Variants in CRADD observed in about 807,000 individuals in gnomAD.
CRADD encodes death domain-containing protein CRADD.
CRADD carries 9 observed loss-of-function variants against 15.5 expected under a neutral mutation model. The ratio of observed to expected loss-of-function variants is 0.58; its 90% CI spans 0.35 to 1.01. The LOEUF (loss-of-function observed/expected upper bound fraction) is 1.01. CRADD is among the 50% of genes least tolerant of loss of function. CRADD has a pLI of 0.02. For synonymous variants in CRADD, 118 were observed against 107.6 expected (o/e 1.10, Z -0.60); for missense variants, 227 against 250.3 (o/e 0.91, Z 0.63).
intron 2 of CRADD, among the ~76,000 whole-genome samples, chr12:93,768,647 G>T (rs898349473): frequency 1.3e-5 from 2 of 152,072 alleles, no homozygotes; most frequent in Non-Finnish European, 2.9e-5. Flanking sequence ...AATATATCAT[G>T]AACATGTTTT....
chr12:93,881,776 G>A (rs1164337723), intron 2 of CRADD, among the ~76,000 whole-genome samples: 1 of 152,158 alleles, frequency 6.6e-6, no homozygotes, highest in Non-Finnish European at 1.5e-5. Flanking sequence ...GTCTCCCTTG[G>A]AGATTATCTC....
At chr12:93,771,365 A>G (rs547038858) in intron 2 of CRADD, among the ~76,000 whole-genome samples, 1 of 152,304 alleles carries the variant, frequency 6.6e-6, no homozygotes, top group African/African-American at 2.4e-5. Context: ...GAATTTTTTA[A>G]TTACTATTGA....
chr12:93,696,210 G>A (rs890125754), intron 2 of CRADD, among the ~76,000 whole-genome samples: 1 of 152,104 alleles, frequency 6.6e-6, no homozygotes, highest in Non-Finnish European at 1.5e-5. Context: ...ATAGAACTCT[G>A]TGTCTTAGCA....
chr12:93,824,559 A>G lies in CRADD; in HGVS notation c.299-25411A>G, dbSNP rs1460927202. On this transcript the variant is annotated intron_variant, in intron 2 of 2. Coordinates refer to ENST00000332896, the MANE Select transcript of CRADD (RefSeq NM_003805.5). This position sits in a 1 kb window ranked among gnomAD's most constrained non-coding sequence, Gnocchi z 4.3. ...AAGAAGTCAAAAAATTGCTTTGAAG[A>G]GTATATTTACTAGAGTTCAGTTTAC... Among the ~76,000 whole-genome samples, 1 of 152,180 alleles carries G rather than the reference A, an allele frequency of 6.6e-6. No individual in the cohort carries two copies. The highest frequency in any genetic ancestry group is 6.5e-5 in the Admixed American group (1 of 15,274).
At chr12:93,804,257 G>C (rs1213741713) in intron 2 of CRADD, among the ~76,000 whole-genome samples, 1 of 152,134 alleles carries the variant, frequency 6.6e-6, no homozygotes, top group Non-Finnish European at 1.5e-5. Flanking sequence ...ATTTTGGCAA[G>C]AGTGATGCCA....
At chr12:93,817,140 T>C (rs1226411423) in intron 2 of CRADD, among the ~76,000 whole-genome samples, 1 of 152,172 alleles carries the variant, frequency 6.6e-6, no homozygotes, top group Non-Finnish European at 1.5e-5. Flanking sequence ...ACCAGATGAT[T>C]GTTTAAGTCT....
chr12:93,745,935 A>G (rs1019009391), intron 2 of CRADD, among the ~76,000 whole-genome samples: 1 of 152,200 alleles, frequency 6.6e-6, no homozygotes, highest in Non-Finnish European at 1.5e-5. Flanking sequence ...ATATTGAGGA[A>G]ACTTACACAC....
At position 93,726,822 on chromosome 12, in the gene CRADD, C is replaced by CT. The variant is rs556450950; in HGVS notation, c.298+47751dup. Among the ~76,000 whole-genome samples the CT allele has an allele frequency of 3.4e-3, 516 of 152,178 alleles. 3 individuals are homozygous for CT. Among genetic ancestry groups the CT allele is most frequent in the African/African-American group, 0.012 (490 of 41,512 alleles). ...ATACAAGATGGTGTACTACAGCACT[C>CT]TAACAGAAGGGAATAGCACTGTTGT... On this transcript the variant is annotated intron_variant, in intron 2 of 2. Transcript: ENST00000332896.
Position 93,850,600 on chromosome 12 carries a change from T to C in CRADD, c.*329T>C. ...ATATATCCATATATATATATATCCA[T>C]ATATATATCTCATGTCATCACATTA... On this transcript the variant is annotated 3_prime_UTR_variant, in exon 3 of 3. Coordinates refer to ENST00000332896, the MANE Select transcript of CRADD (RefSeq NM_003805.5). The surrounding 1 kb of genome is among the most constrained non-coding windows in gnomAD (Gnocchi z 4.0). 5.5e-6 allele frequency: 5 copies of C among 903,736 alleles called. No homozygotes were observed. Among genetic ancestry groups the C allele is most frequent in the Non-Finnish European group, 6.6e-6 (5 of 751,996 alleles). 56.0% of individuals were successfully genotyped at this position (903,736 alleles called of 1,614,324 possible). A position where few individuals can be genotyped will look rare whatever the true frequency, so the allele number is the denominator to read the frequency against.
At chr12:93,792,709 G>A (rs189035429) in intron 2 of CRADD, among the ~76,000 whole-genome samples, 76 of 152,270 alleles carry the variant, frequency 5.0e-4, no homozygotes, top group South Asian at 1.7e-3. Flanking sequence ...TGAAGTAGAT[G>A]CTATTATAAT....
chr12:93,806,360 G>T (rs1239458959), intron 2 of CRADD, among the ~76,000 whole-genome samples: 1 of 149,108 alleles, frequency 6.7e-6, no homozygotes, highest in Non-Finnish European at 1.5e-5. Context: ...GCTGAGGCAG[G>T]AGAATCACTT....
chr12:93,857,672 G>T (rs1432802692), intron 2 of CRADD, among the ~76,000 whole-genome samples: 1 of 152,232 alleles, frequency 6.6e-6, no homozygotes, highest in African/African-American at 2.4e-5. Flanking sequence ...TGGGCATGTG[G>T]TGGAAGCCTT....
At chr12:93,757,117 T>C (rs1426089150) in intron 2 of CRADD, among the ~76,000 whole-genome samples, 1 of 152,242 alleles carries the variant, frequency 6.6e-6, no homozygotes, top group African/African-American at 2.4e-5. Flanking sequence ...AAAACATACG[T>C]ATATTTCCCC....
At chr12:93,766,976 C>T (rs1406971201) in intron 2 of CRADD, among the ~76,000 whole-genome samples, 1 of 152,170 alleles carries the variant, frequency 6.6e-6, no homozygotes, top group Non-Finnish European at 1.5e-5. Flanking sequence ...CTCGTGGTTT[C>T]AAGAAACAGA....
Position 93,850,734 on chromosome 12 carries a change from T to A in CRADD, c.*463T>A. On this transcript the variant is annotated 3_prime_UTR_variant, in exon 3 of 3. Transcript: ENST00000332896. The surrounding 1 kb of genome is among the most constrained non-coding windows in gnomAD (Gnocchi z 4.0). ...ATAATAAAATGCGAATTACTATATA[T>A]AATGTGCCTCACTCATGAGAAAGTA... 2.0e-6 allele frequency: 2 copies of A among 984,602 alleles called. No homozygotes were observed. The highest frequency in any genetic ancestry group is 2.4e-6 in the Non-Finnish European group (2 of 829,330). The allele number at this position is 984,602 out of a possible 1,614,324, so 61.0% of individuals were successfully genotyped here. A position where few individuals can be genotyped will look rare whatever the true frequency, so the allele number is the denominator to read the frequency against.
At chr12:93,720,128 T>C (rs1956232777) in intron 2 of CRADD, among the ~76,000 whole-genome samples, 1 of 152,154 alleles carries the variant, frequency 6.6e-6, no homozygotes, top group Admixed American at 6.5e-5. Flanking sequence ...ATAAGTTGTT[T>C]CCATTTTTAT....
intron 2 of CRADD, among the ~76,000 whole-genome samples, chr12:93,701,555 A>T (rs1299384748): frequency 6.6e-6 from 1 of 152,268 alleles, no homozygotes; most frequent in African/African-American, 2.4e-5. Context: ...GAAGACAAAA[A>T]GGAAGCTAAC....
chr12:93,805,369 A>G (rs1026213022), intron 2 of CRADD, among the ~76,000 whole-genome samples: 1 of 152,080 alleles, frequency 6.6e-6, no homozygotes, highest in South Asian at 2.1e-4. Context: ...GAAAGGGTAT[A>G]TACAGTCTAA....
At chr12:93,888,804 C>T (rs1958556423) in intron 2 of CRADD, among the ~76,000 whole-genome samples, 1 of 152,184 alleles carries the variant, frequency 6.6e-6, no homozygotes, top group South Asian at 2.1e-4. Context: ...GAACCAACCA[C>T]ATCTTGAGAT....
Sources: allele counts gnomAD v4.1 joint callset (sites outside exome capture counted in the v4.1 genomes callset), GRCh38; gene constraint gnomAD v4.1.1; non-coding constraint Gnocchi (gnomAD v3.1); transcripts MANE v1.5; gene names NCBI Gene and HGNC (gene_info 2026-07-23, HGNC 2026-07-21).